The following LCORL variants were observed in gnomAD, a reference collection of about 807,000 sequenced individuals.
LCORL encodes the protein ligand dependent nuclear receptor corepressor like.
In LCORL, 41 loss-of-function variants were observed where a neutral mutation model predicts 141.8. That is an observed-to-expected ratio of 0.29 (90% CI 0.23 to 0.38). LCORL has a LOEUF of 0.38. Among genes scored for constraint, LCORL ranks in the 10% least tolerant of loss-of-function variants. The pLI, the probability that LCORL is intolerant of heterozygous loss-of-function variation, is 1.00. For synonymous variants in LCORL, 618 were observed against 694.1 expected (o/e 0.89, Z 1.72); for missense variants, 1,759 against 2,035.0 (o/e 0.86, Z 2.61).
intron 7 of LCORL, among the ~76,000 whole-genome samples, chr4:17,846,523 G>T (rs1397555229): frequency 6.6e-6 from 1 of 152,054 alleles, no homozygotes; most frequent in Non-Finnish European, 1.5e-5. Context: ...TTAAACTTAT[G>T]GCCAGCTCAT....
chr4:17,864,658 G>A (rs1725427839), intron 7 of LCORL, among the ~76,000 whole-genome samples: 2 of 152,216 alleles, frequency 1.3e-5, no homozygotes, highest in South Asian at 4.1e-4. Flanking sequence ...CATGTTAATG[G>A]TGACATTAAA....
chr4:18,005,682 T>A (rs1722676483), intron 1 of LCORL, among the ~76,000 whole-genome samples: 1 of 152,208 alleles, frequency 6.6e-6, no homozygotes, highest in East Asian at 1.9e-4. Flanking sequence ...AGGTGGAAGC[T>A]GCAAAGGCTT....
intron 1 of LCORL, among the ~76,000 whole-genome samples, chr4:17,979,675 A>T (rs1411180768): frequency 1.3e-5 from 2 of 152,100 alleles, no homozygotes; most frequent in African/African-American, 4.8e-5. Flanking sequence ...TTAATTCAGT[A>T]CTTACTGGCT....
chr4:17,876,982 G>C (rs1389161025), exon 7 of LCORL: 1 of 1,230,560 alleles, frequency 8.1e-7, no homozygotes, highest in Non-Finnish European at 1.0e-6. Context: ...CCTTGGTCAT[G>C]ATAGAATTCT....
chr4:18,015,592 A>T (rs551649146), intron 1 of LCORL, among the ~76,000 whole-genome samples: 1 of 151,912 alleles, frequency 6.6e-6, no homozygotes, highest in African/African-American at 2.4e-5. Flanking sequence ...AATAGAAAAC[A>T]TTTGATAGTG....
At chr4:17,862,342 TTTTGTAAGACTTACTCACTA>T (rs1304011865) in intron 7 of LCORL, among the ~76,000 whole-genome samples, 2 of 152,132 alleles carry the variant, frequency 1.3e-5, no homozygotes, top group African/African-American at 4.8e-5. Context: ...AACCATCAGA[TTTTGTAAGACTTACTCACTA>T]TCACAAGAAG....
chr4:17,931,240 TG>T (rs1735994384), intron 4 of LCORL, among the ~76,000 whole-genome samples: 1 of 152,134 alleles, frequency 6.6e-6, no homozygotes, highest in African/African-American at 2.4e-5. Context: ...GGTTAACTAG[TG>T]GTCTATTTTG....
At chr4:17,991,334 CTAAT>C (rs921279490) in intron 1 of LCORL, among the ~76,000 whole-genome samples, 6 of 152,156 alleles carry the variant, frequency 3.9e-5, no homozygotes, top group African/African-American at 1.2e-4. Flanking sequence ...GAAGGCGCCT[CTAAT>C]TAAACCATTC....
intron 1 of LCORL, among the ~76,000 whole-genome samples, chr4:17,988,941 G>A (rs571440968): frequency 5.3e-5 from 8 of 152,274 alleles, no homozygotes; most frequent in Admixed American, 3.3e-4. Context: ...CCGAGATCAC[G>A]CCACTGCACT....
intron 1 of LCORL, among the ~76,000 whole-genome samples, chr4:17,994,585 C>T (rs143841909): frequency 2.0e-3 from 299 of 152,250 alleles, no homozygotes; most frequent in African/African-American, 6.7e-3. Context: ...ACATAACACC[C>T]TGTATTATTC....
At chr4:17,875,975 T>C (rs1346657246) in exon 7 of LCORL, 56 of 1,231,170 alleles carry the variant, frequency 4.5e-5, no homozygotes, top group Non-Finnish European at 5.5e-5. Context: ...CATTTGTTTC[T>C]GTTTTTTCTT....
chr4:17,880,908 T>C, intron 6 of LCORL: 2 of 935,354 alleles, frequency 2.1e-6, no homozygotes, highest in Non-Finnish European at 1.3e-6. Flanking sequence ...TGCCTAACAA[T>C]CAGTTTATAT....
At chr4:17,850,032 G>A (rs1457617164) in intron 7 of LCORL, among the ~76,000 whole-genome samples, 6 of 150,708 alleles carry the variant, frequency 4.0e-5, no homozygotes, top group Non-Finnish European at 5.9e-5. Flanking sequence ...CAATGGGGAA[G>A]GGATTCCCTA....
At chr4:18,020,979 A>G (rs966817585) in intron 1 of LCORL, among the ~76,000 whole-genome samples, 2 of 152,020 alleles carry the variant, frequency 1.3e-5, no homozygotes, top group African/African-American at 4.8e-5. Context: ...CGAGCGCGAG[A>G]GGGCAGAGTT....
chr4:18,004,074 C>G (rs75021128), intron 1 of LCORL, among the ~76,000 whole-genome samples: 4,446 of 152,310 alleles, frequency 0.029, 81 homozygotes, highest in Middle Eastern at 0.054. Flanking sequence ...TAGAAGGGAA[C>G]TCCATTCTAT....
Position 17,852,410 on chromosome 4 carries a change from C to T in LCORL, c.5603-6509G>A, listed in dbSNP as rs368090344. On this transcript the variant is annotated intron_variant, in intron 7 of 7. Transcript: ENST00000635767. ...TTCTTCATAAGAAAAAAAAAAGGTACTTTCGCTGCTTATCTTACAGATTTG... is the reference window on the plus strand; with the variant it reads ...TTCTTCATAAGAAAAAAAAAAGGTATTTTCGCTGCTTATCTTACAGATTTG... Among the ~76,000 whole-genome samples, 5 of 152,060 alleles carry T rather than the reference C, an allele frequency of 3.3e-5. No individual in the cohort carries two copies. In the South Asian group the frequency reaches 1.0e-3, roughly 32 times the overall value.
At chr4:17,842,636 T>C in exon 8 of LCORL, 1 of 353,234 alleles carries the variant, frequency 2.8e-6, no homozygotes, top group Non-Finnish European at 5.2e-6. Flanking sequence ...TTTAATTACA[T>C]GATGTGACTC....
exon 7 of LCORL, chr4:17,878,037 A>G: frequency 8.1e-7 from 1 of 1,230,622 alleles, no homozygotes; most frequent in Non-Finnish European, 1.0e-6. Flanking sequence ...TGAAGACACA[A>G]CACATGATGT....
At chr4:17,939,186 C>T (rs964951971) in intron 4 of LCORL, among the ~76,000 whole-genome samples, 5 of 152,128 alleles carry the variant, frequency 3.3e-5, no homozygotes, top group African/African-American at 9.7e-5. Flanking sequence ...ATGTGCACAA[C>T]ATCATTAGTC....
Sources: gnomAD v4.1 joint callset for allele counts (sites outside exome capture counted in the v4.1 genomes callset) on GRCh38, gnomAD v4.1.1 for gene constraint, MANE v1.5 for transcripts, NCBI Gene and HGNC (gene_info 2026-07-23, HGNC 2026-07-21) for gene names.